SLC5A4: variants seen among roughly 807,000 people sequenced by gnomAD.
SLC5A4 encodes the protein probable glucose sensor protein SLC5A4.
SLC5A4 carries 55 observed loss-of-function variants against 70.3 expected under a neutral mutation model. The ratio of observed to expected loss-of-function variants is 0.78; its 90% CI spans 0.63 to 0.98. The LOEUF (loss-of-function observed/expected upper bound fraction) is 0.98, where lower values mean the gene tolerates loss of function less well. SLC5A4 is among the 50% of genes least tolerant of loss of function. SLC5A4 has a pLI of 0.00. For missense variants in SLC5A4, 735 were observed against 839.2 expected, an observed-to-expected ratio of 0.88 and a Z score of 1.53; for synonymous variants, 268 against 305.7, an observed-to-expected ratio of 0.88 and a Z score of 1.29.
the SLC5A4 span, among the ~76,000 whole-genome samples, chr22:32,345,843 A>T: frequency 1.1e-4 from 17 of 152,262 alleles, no homozygotes. Flanking sequence ...TTATGCGACC[A>T]GCATGTTACT....
At chr22:32,328,706 C>T in the SLC5A4 span, among the ~76,000 whole-genome samples, 1 of 152,232 alleles carries the variant, frequency 6.6e-6, no homozygotes. Context: ...TGACTTACAC[C>T]TTTCTGACTC....
the SLC5A4 span, among the ~76,000 whole-genome samples, chr22:32,351,344 T>A: frequency 6.6e-6 from 1 of 152,152 alleles, no homozygotes; most frequent in East Asian, 1.9e-4. Context: ...TACTCAAGAA[T>A]CTAAATAATT....
intron 5 of SLC5A4, among the ~76,000 whole-genome samples, chr22:32,239,568 ATT>A (rs1162571828): frequency 0.1 from 2,630 of 26,246 alleles, 267 homozygotes; most frequent in African/African-American, 0.22. Flanking sequence ...ATATATATAT[ATT>A]TATATATATA....
At chr22:32,234,587 T>C (rs1925952916) in intron 8 of SLC5A4, among the ~76,000 whole-genome samples, 1 of 151,976 alleles carries the variant, frequency 6.6e-6, no homozygotes, top group Admixed American at 6.6e-5. Context: ...TAATCCCAGC[T>C]ACATGGGAGG....
Position 32,255,191 on chromosome 22 carries a change from C to T in SLC5A4, c.135+4G>A. The stretch of plus-strand genomic sequence containing the variant: ...ACCCTAAAAGCCACTGGGATTCCAC[C>T]TACCCACAGCCCAACAGCCATCACC... On this transcript the variant is annotated splice_donor_region_variant and intron_variant, in intron 1 of 14. Coordinates refer to ENST00000266086, the MANE Select transcript of SLC5A4 (RefSeq NM_014227.3). The T allele has an allele frequency of 1.2e-6, 2 of 1,613,822 alleles. No homozygotes were observed. Among genetic ancestry groups the T allele is most frequent in the Middle Eastern group, 1.6e-4 (1 of 6,062 alleles).
the SLC5A4 span, among the ~76,000 whole-genome samples, chr22:32,284,294 C>T: frequency 6.6e-6 from 1 of 152,194 alleles, no homozygotes; most frequent in Non-Finnish European, 1.5e-5. Flanking sequence ...ACCAAGTCCT[C>T]ATTTGGACAG....
the SLC5A4 span, among the ~76,000 whole-genome samples, chr22:32,354,506 C>T: frequency 6.6e-6 from 1 of 152,146 alleles, no homozygotes; most frequent in Non-Finnish European, 1.5e-5. Context: ...ATAGCGCCCC[C>T]AACCCGTGCC....
the SLC5A4 span, among the ~76,000 whole-genome samples, chr22:32,326,795 TC>T: frequency 6.6e-6 from 1 of 152,222 alleles, no homozygotes; most frequent in East Asian, 1.9e-4. Flanking sequence ...CCTGCTGCCA[TC>T]ACAGGGTCCT....
chr22:32,234,217 A>G (rs1347488389), intron 8 of SLC5A4, among the ~76,000 whole-genome samples: 2 of 152,188 alleles, frequency 1.3e-5, no homozygotes, highest in Non-Finnish European at 2.9e-5. Context: ...ATTCCTAGTG[A>G]GCTCCAAGGT....
chr22:32,226,009 A>G (rs1925376632), intron 11 of SLC5A4, among the ~76,000 whole-genome samples, 186 bp from the exon 12 acceptor site: 1 of 152,234 alleles, frequency 6.6e-6, no homozygotes, highest in South Asian at 2.1e-4. Context: ...CAATAAAGCA[A>G]TTGCTTGTCT....
the SLC5A4 span, among the ~76,000 whole-genome samples, chr22:32,329,952 G>A: frequency 9.2e-5 from 5 of 54,456 alleles, no homozygotes; most frequent in Admixed American, 2.2e-4. Context: ...GGGCTCTGGT[G>A]TGTGTGTGTT....
upstream of SLC5A4, among the ~76,000 whole-genome samples, chr22:32,259,943 C>G (rs1927675559): frequency 6.6e-6 from 1 of 152,162 alleles, no homozygotes; most frequent in Non-Finnish European, 1.5e-5. Context: ...ATTGTGGGTA[C>G]AAGGCAGACA....
At position 32,229,117 on chromosome 22, in the gene SLC5A4, A is replaced by G. The variant is rs1024153078; in HGVS notation, c.1280+77T>C. On this transcript the variant is annotated intron_variant, in intron 11 of 14. Transcript: ENST00000266086. ...GCTATGATTACTTTCACCAAAGCCA[A>G]AGACAAGGGAACTCTAGTTCACTTC... The G allele has an allele frequency of 3.0e-5, 41 of 1,381,304 alleles. No individual in the cohort carries two copies. In the Admixed American group the frequency reaches 8.1e-4, roughly 27 times the overall value. The allele number at this position is 1,381,304 out of a possible 1,614,324, so 85.6% of individuals were successfully genotyped here. A position where few individuals can be genotyped will look rare whatever the true frequency, so the allele number is the denominator to read the frequency against.
At chr22:32,292,102 TATATATA>T in the SLC5A4 span, among the ~76,000 whole-genome samples, 1 of 131,116 alleles carries the variant, frequency 7.6e-6, no homozygotes, top group Non-Finnish European at 1.5e-5. Flanking sequence ...TACTAGATAT[TATATATA>T]ATATATAATA....
chr22:32,353,943 C>A, the SLC5A4 span, among the ~76,000 whole-genome samples: 1 of 150,956 alleles, frequency 6.6e-6, no homozygotes, highest in African/African-American at 2.4e-5. Context: ...GAGCAGCAAC[C>A]CAGGGAGACG....
the SLC5A4 span, among the ~76,000 whole-genome samples, chr22:32,276,018 T>A: frequency 1.3e-5 from 2 of 152,360 alleles, no homozygotes; most frequent in Admixed American, 1.3e-4. Context: ...ATGTCTTCTT[T>A]TGAGAAGTGT....
At chr22:32,299,620 G>A in the SLC5A4 span, among the ~76,000 whole-genome samples, 1 of 102,326 alleles carries the variant, frequency 9.8e-6, no homozygotes, top group Admixed American at 1.1e-4. Context: ...ATAGCTCAGA[G>A]TAATTTGATC....
the SLC5A4 span, among the ~76,000 whole-genome samples, chr22:32,337,301 G>C: frequency 2.0e-5 from 3 of 152,254 alleles, no homozygotes; most frequent in Non-Finnish European, 4.4e-5. Flanking sequence ...GGGAGGCCAA[G>C]GCAGGCGGAT....
At chr22:32,331,167 G>A in the SLC5A4 span, among the ~76,000 whole-genome samples, 2 of 124,182 alleles carry the variant, frequency 1.6e-5, no homozygotes, top group Non-Finnish European at 3.4e-5. Flanking sequence ...GTGTGTGTTG[G>A]GGGGCTCTGG....
Sources: allele counts gnomAD v4.1 joint callset (sites outside exome capture counted in the v4.1 genomes callset), GRCh38; gene constraint gnomAD v4.1.1; transcripts MANE v1.5; gene names NCBI Gene and HGNC (gene_info 2026-07-23, HGNC 2026-07-21).